ASMT: variants seen among roughly 807,000 people sequenced by gnomAD.
The protein encoded by ASMT is acetylserotonin N-methyltransferase.
In ASMT, 53 loss-of-function variants were observed where a neutral mutation model predicts 41.3. The observed-to-expected ratio is 1.28, with a 90% confidence interval of 1.03 to 1.61. The LOEUF (loss-of-function observed/expected upper bound fraction) is 1.61. ASMT is among the 40% of genes most tolerant of loss of function. The probability of loss-of-function intolerance (pLI) is 0.00; values close to 1 mark genes in which losing one functional copy is unlikely to be tolerated. For missense variants in ASMT, 531 were observed against 441.3 expected (o/e 1.20, Z -1.82); for synonymous variants, 231 against 184.8 (o/e 1.25, Z -2.03).
intron 2 of ASMT, among the ~76,000 whole-genome samples, chrX:1,623,930 T>A (rs1230008668): frequency 6.6e-6 from 1 of 152,120 alleles, no homozygotes; most frequent in Non-Finnish European, 1.5e-5. Context: ...ATTACAGGTG[T>A]GAGCCACCAC....
chrX:1,621,381 G>T (rs182674019), intron 1 of ASMT, among the ~76,000 whole-genome samples: 5 of 151,534 alleles, frequency 3.3e-5, no homozygotes, highest in African/African-American at 1.2e-4. Flanking sequence ...GCAGTGGCGC[G>T]ATCTTGGCTC....
chrX:1,636,507 C>G lies in ASMT; in HGVS notation c.857C>G (p.Ala286Gly). ...CTGGCCAGGGTCCTCCATGACTGGG[C>G]AGACGGAAAGTGCTCACACCTGCTG... ...YILARVLHDWADGKCSHLLER... is the reference protein window; with the variant it reads ...YILARVLHDWGDGKCSHLLER... Residue 286 changes from alanine to glycine, a missense_variant, in exon 8 of 9, where the codon GCA (alanine) becomes GGA (glycine). Ala to Gly is a moderately conservative substitution (Grantham distance 60). Transcript: ENST00000381241. The G allele has an allele frequency of 6.2e-7, 1 of 1,613,922 alleles. No homozygotes were observed. The highest frequency in any genetic ancestry group is 8.5e-7 in the Non-Finnish European group (1 of 1,179,872).
In ASMT at chrX:1,633,172, G is replaced by C. The variant is rs763100025; in HGVS notation, c.669G>C (p.Lys223Asn). Residue 223 changes from lysine (K) to asparagine (N), a missense_variant, in exon 7 of 9, where the codon AAG (lysine) becomes AAC (asparagine). Lys to Asn is a moderately conservative substitution (Grantham distance 94, BLOSUM62 0). Coordinates refer to ENST00000381241, the MANE Select transcript of ASMT (RefSeq NM_001171038.2). ...CAGGTGGGGCTGGAGCTCTGGCTAA[G>C]GAATGCATGTCTCTGTACCCTGGAT... The part of the protein sequence containing the change: ...SLIGGAGALA[K>N]ECMSLYPGCK... 8.7e-6 allele frequency: 14 copies of C among 1,613,886 alleles called. 1 individual carries two copies. The highest frequency in any genetic ancestry group is 1.7e-4 in the Middle Eastern group (1 of 6,056).
At chrX:1,623,592 C>T (rs1323198576) in intron 2 of ASMT, among the ~76,000 whole-genome samples, 2 of 152,116 alleles carry the variant, frequency 1.3e-5, no homozygotes, top group African/African-American at 4.8e-5. Context: ...GAGCGAGACT[C>T]CATCTGTATT....
intron 4 of ASMT, among the ~76,000 whole-genome samples, chrX:1,629,032 C>A (rs776800824): frequency 6.7e-6 from 1 of 149,234 alleles, no homozygotes; most frequent in Non-Finnish European, 1.5e-5. Flanking sequence ...CCTTCCCTCC[C>A]TCCCTCCTTT....
chrX:1,615,366 A>C (rs1363952158), intron 1 of ASMT, 98 bp downstream of exon 1: 4 of 1,182,352 alleles, frequency 3.4e-6, no homozygotes, highest in Non-Finnish European at 4.9e-6. Context: ...AGTCTCCATC[A>C]TTTTAGGAGG....
intron 3 of ASMT, 32 bp from the exon 4 acceptor site, chrX:1,627,671 A>G (rs1934606856): frequency 7.1e-7 from 1 of 1,411,904 alleles, no homozygotes; most frequent in Non-Finnish European, 9.9e-7. Flanking sequence ...AATGAAATGA[A>G]ATGAAAATCA....
chrX:1,623,323 C>G lies in ASMT; in HGVS notation c.244+10C>G. 6.2e-7 allele frequency: 1 copy of G among 1,613,906 alleles called. No individual in the cohort carries two copies. The highest frequency in any genetic ancestry group is 8.5e-7 in the Non-Finnish European group (1 of 1,179,842). On this transcript the variant is annotated intron_variant, in intron 2 of 8. Coordinates refer to ENST00000381241, the MANE Select transcript of ASMT (RefSeq NM_001171038.2). ...ACGAGGGGAGGAAAAGGTGAGGACACGGGCGTTTTGAAGGAGGCATTTTAC... is the reference window on the plus strand; with the variant it reads ...ACGAGGGGAGGAAAAGGTGAGGACAGGGGCGTTTTGAAGGAGGCATTTTAC...
At chrX:1,621,896 C>T (rs1255889537) in intron 1 of ASMT, among the ~76,000 whole-genome samples, 3 of 150,892 alleles carry the variant, frequency 2.0e-5, no homozygotes, top group Admixed American at 6.6e-5. Flanking sequence ...GGTTTCTGCA[C>T]GTTGGTCAGG....
At chrX:1,615,600 C>G (rs113872575) in intron 1 of ASMT, among the ~76,000 whole-genome samples, 1 of 151,742 alleles carries the variant, frequency 6.6e-6, no homozygotes, top group South Asian at 2.1e-4. Flanking sequence ...GTCGGGAGTT[C>G]GAGACCAGCC....
At chrX:1,636,688 TC>T (rs1934979051) in intron 8 of ASMT, 128 bp downstream of exon 8, 1 of 1,392,004 alleles carries the variant, frequency 7.2e-7, no homozygotes, top group African/African-American at 1.4e-5. Flanking sequence ...AATATGGCTT[TC>T]CTTTTAGATA....
intron 1 of ASMT, among the ~76,000 whole-genome samples, chrX:1,617,701 T>C (rs1308840437): frequency 3.3e-5 from 5 of 150,790 alleles, no homozygotes; most frequent in East Asian, 4.0e-4. Context: ...CTGCAACCTC[T>C]GCCTCCCGGG....
rs1195322932 is a variant in ASMT, at chrX:1,643,021, C to A, written c.*7C>A. On this transcript the variant is annotated 3_prime_UTR_variant, in exon 9 of 9. Coordinates refer to ENST00000381241, the MANE Select transcript of ASMT (RefSeq NM_001171038.2). Reference sequence around the variant, plus strand: ...CATTTTAGCCAGGAAATAACTGTTTCTTGTGACCTGGAACTAACGTCAAAG... The same window carrying A: ...CATTTTAGCCAGGAAATAACTGTTTATTGTGACCTGGAACTAACGTCAAAG... 3 of 1,613,732 alleles carry A rather than the reference C, an allele frequency of 1.9e-6. No homozygotes were observed. The South Asian group carries it at 3.3e-5, about 18-fold the overall frequency.
At chrX:1,635,017 C>T (rs1392453809) in intron 7 of ASMT, among the ~76,000 whole-genome samples, 1 of 143,346 alleles carries the variant, frequency 7.0e-6, no homozygotes, top group Non-Finnish European at 1.5e-5. Context: ...CTCTGTCACC[C>T]AGGCTGGAGT....
intron 7 of ASMT, among the ~76,000 whole-genome samples, chrX:1,635,508 TC>T (rs1211415129): frequency 6.6e-6 from 1 of 152,130 alleles, no homozygotes; most frequent in Non-Finnish European, 1.5e-5. Flanking sequence ...ACTCCTGGAA[TC>T]CACGGCTTTG....
chrX:1,630,121 G>A (rs1380903850), intron 5 of ASMT, among the ~76,000 whole-genome samples, 182 bp downstream of exon 5: 1 of 151,652 alleles, frequency 6.6e-6, no homozygotes, highest in Non-Finnish European at 1.5e-5. Flanking sequence ...TCTCCTCTGC[G>A]AGCACACGTT....
chrX:1,622,351 T>C (rs1169264964), intron 1 of ASMT, among the ~76,000 whole-genome samples: 6 of 151,576 alleles, frequency 4.0e-5, no homozygotes, highest in Admixed American at 6.6e-5. Flanking sequence ...AGTGCAGTGG[T>C]GAGATCTCGG....
chrX:1,626,434 G>A (rs1171009064), intron 3 of ASMT, among the ~76,000 whole-genome samples: 2 of 151,964 alleles, frequency 1.3e-5, no homozygotes, highest in South Asian at 2.1e-4. Flanking sequence ...GTTTCACCCT[G>A]TCTTTGAGGC....
intron 4 of ASMT, 106 bp downstream of exon 4, chrX:1,627,877 A>T (rs1471036301): frequency 9.3e-7 from 1 of 1,079,032 alleles, no homozygotes; most frequent in Admixed American, 1.8e-5. Flanking sequence ...CCCAGGAGGA[A>T]GCTGCCATTT....
Sources: allele counts gnomAD v4.1 joint callset (sites outside exome capture counted in the v4.1 genomes callset), GRCh38; gene constraint gnomAD v4.1.1; transcripts MANE v1.5; gene names NCBI Gene and HGNC (gene_info 2026-07-23, HGNC 2026-07-21).